The following FHIP1A variants were observed in gnomAD, a reference collection of about 807,000 sequenced individuals.
The protein encoded by FHIP1A is FHF complex subunit HOOK-interacting protein 1A.
A neutral mutation model predicts 88.6 loss-of-function variants in FHIP1A; 61 were observed. The observed-to-expected ratio is 0.69, with a 90% CI of 0.56 to 0.85. The LOEUF (loss-of-function observed/expected upper bound fraction) is 0.85. Ranked by LOEUF, FHIP1A falls within the 40% of genes least tolerant of loss-of-function variation. The pLI, the probability that FHIP1A is intolerant of heterozygous loss-of-function variation, is 0.00. For synonymous variants in FHIP1A, 478 were observed against 496.0 expected (o/e 0.96, Z 0.48); for missense variants, 1,154 against 1,273.5 (o/e 0.91, Z 1.43).
intron 1 of FHIP1A, among the ~76,000 whole-genome samples, chr4:151,451,721 A>T (rs1023096053): frequency 1.3e-5 from 2 of 151,710 alleles, no homozygotes; most frequent in African/African-American, 2.4e-5. Context: ...TTTCCAGTAA[A>T]TTTTTTTCAA....
intron 3 of FHIP1A, among the ~76,000 whole-genome samples, chr4:151,541,310 T>C (rs1732275697): frequency 6.6e-6 from 1 of 152,194 alleles, no homozygotes; most frequent in Non-Finnish European, 1.5e-5. Flanking sequence ...AATAAAGCAT[T>C]AAGTTGAGAG....
chr4:151,658,373 C>A (rs1205910783), intron 13 of FHIP1A, among the ~76,000 whole-genome samples: 1 of 152,194 alleles, frequency 6.6e-6, no homozygotes, highest in African/African-American at 2.4e-5. Flanking sequence ...CCTGGACTCG[C>A]TTGTGTGTCT....
intron 1 of FHIP1A, among the ~76,000 whole-genome samples, chr4:151,439,217 A>G (rs1002181090): frequency 1.3e-5 from 2 of 152,268 alleles, no homozygotes; most frequent in African/African-American, 4.8e-5. Context: ...ATGCATAAAT[A>G]ATTAAAAGAG....
chr4:151,609,672 G>A (rs1172050739), intron 7 of FHIP1A, among the ~76,000 whole-genome samples: 1 of 152,080 alleles, frequency 6.6e-6, no homozygotes, highest in East Asian at 1.9e-4. Flanking sequence ...TGTAGACAAG[G>A]AGGCTCCCTG....
intron 3 of FHIP1A, among the ~76,000 whole-genome samples, chr4:151,531,484 A>G (rs907294279): frequency 9.1e-5 from 13 of 142,630 alleles, no homozygotes; most frequent in African/African-American, 3.4e-4. Flanking sequence ...GAATCCCTGT[A>G]CCGCATTTTC....
chr4:151,501,551 C>G (rs1730648057), intron 3 of FHIP1A, among the ~76,000 whole-genome samples: 1 of 144,518 alleles, frequency 6.9e-6, no homozygotes, highest in Admixed American at 6.9e-5. Flanking sequence ...CTTTGATAAT[C>G]AAAGAAATTT....
intron 3 of FHIP1A, among the ~76,000 whole-genome samples, chr4:151,550,363 C>T (rs148076729): frequency 1.8e-4 from 27 of 152,194 alleles, no homozygotes; most frequent in Admixed American, 4.6e-4. Flanking sequence ...ATTAGCCATC[C>T]GCACCTCCCC....
intron 11 of FHIP1A, among the ~76,000 whole-genome samples, chr4:151,655,634 A>G (rs931857704): frequency 6.6e-6 from 1 of 150,950 alleles, no homozygotes; most frequent in African/African-American, 2.4e-5. Context: ...CCTCTCACCT[A>G]TTTTTTTTTA....
intron 3 of FHIP1A, among the ~76,000 whole-genome samples, chr4:151,529,594 G>A (rs1731798970): frequency 6.6e-6 from 1 of 152,208 alleles, no homozygotes; most frequent in Non-Finnish European, 1.5e-5. Context: ...GATGGTGTGT[G>A]TATGTTTTGG....
intron 7 of FHIP1A, among the ~76,000 whole-genome samples, chr4:151,614,918 A>G (rs1284542331): frequency 6.6e-6 from 1 of 152,052 alleles, no homozygotes; most frequent in Non-Finnish European, 1.5e-5. Context: ...CCCTCTTATC[A>G]TTTTAATAAT....
At chr4:151,501,431 C>T (rs1218138042) in intron 3 of FHIP1A, among the ~76,000 whole-genome samples, 1 of 152,052 alleles carries the variant, frequency 6.6e-6, no homozygotes, top group Non-Finnish European at 1.5e-5. Flanking sequence ...TTCTCCACAT[C>T]CTCACTAACA....
chr4:151,662,921 G>A lies in FHIP1A; in HGVS notation c.*167G>A, dbSNP rs1049801241. On this transcript the variant is annotated 3_prime_UTR_variant, in exon 14 of 14. Transcript: ENST00000435205. ...GTATCTTTCCTCTCTCTCTCTAGCC[G>A]GGCCTTTCCACCTTATGTTATATAT... is the stretch of plus-strand genomic sequence containing the variant. The A allele has an allele frequency of 2.3e-5, 15 of 655,260 alleles. No homozygotes were observed. The highest frequency in any genetic ancestry group is 5.7e-5 in the African/African-American group (3 of 53,092). The allele number at this position is 655,260 out of a possible 1,614,324, so 40.6% of individuals were successfully genotyped here. A position where few individuals can be genotyped will look rare whatever the true frequency, so the allele number is the denominator to read the frequency against.
intron 1 of FHIP1A, among the ~76,000 whole-genome samples, chr4:151,448,159 C>A (rs1319432976): frequency 6.6e-6 from 1 of 151,842 alleles, no homozygotes; most frequent in Non-Finnish European, 1.5e-5. Flanking sequence ...CCTCAAGTGA[C>A]CCTCCCGTCT....
At chr4:151,578,778 A>C (rs1375718775) in intron 5 of FHIP1A, among the ~76,000 whole-genome samples, 1 of 152,204 alleles carries the variant, frequency 6.6e-6, no homozygotes, top group African/African-American at 2.4e-5. Context: ...ACTTATGTCC[A>C]CCCAAAAACC....
At chr4:151,416,192 C>A (rs1580538658) in intron 1 of FHIP1A, among the ~76,000 whole-genome samples, 1 of 152,198 alleles carries the variant, frequency 6.6e-6, no homozygotes, top group African/African-American at 2.4e-5. Flanking sequence ...GGCTAAATTT[C>A]ATGACTCAGG....
At chr4:151,550,862 T>C (rs147265859) in intron 3 of FHIP1A, among the ~76,000 whole-genome samples, 2 of 152,316 alleles carry the variant, frequency 1.3e-5, no homozygotes, top group South Asian at 2.1e-4. Context: ...CAGAGGATGA[T>C]GTTGGACAAC....
intron 8 of FHIP1A, among the ~76,000 whole-genome samples, chr4:151,633,760 A>G: frequency 6.6e-6 from 1 of 151,976 alleles, no homozygotes; most frequent in East Asian, 1.9e-4. Flanking sequence ...ACACCCTTTC[A>G]TGATAAAAGC....
At chr4:151,634,676 G>A (rs927146249) in intron 8 of FHIP1A, among the ~76,000 whole-genome samples, 2 of 151,762 alleles carry the variant, frequency 1.3e-5, no homozygotes, top group South Asian at 4.1e-4. Context: ...TCAACAAATG[G>A]TAATGGTAAA....
intron 7 of FHIP1A, among the ~76,000 whole-genome samples, chr4:151,607,731 C>T (rs182118202): frequency 5.3e-5 from 8 of 152,166 alleles, no homozygotes; most frequent in Non-Finnish European, 8.8e-5. Context: ...CCTACCTTAT[C>T]GGGCTTTTGT....
Sources: allele counts gnomAD v4.1 joint callset (sites outside exome capture counted in the v4.1 genomes callset), GRCh38; gene constraint gnomAD v4.1.1; transcripts MANE v1.5; gene names NCBI Gene and HGNC (gene_info 2026-07-23, HGNC 2026-07-21).